Variants in CWC27 observed in about 807,000 individuals in gnomAD.
The protein encoded by CWC27 is CWC27 spliceosome associated cyclophilin.
Under a neutral mutation model 63.6 loss-of-function variants are expected in CWC27, and 47 were observed. The observed-to-expected ratio is 0.74, with a 90% confidence interval of 0.58 to 0.94. CWC27 has a LOEUF of 0.94. CWC27 is among the 40% of genes least tolerant of loss of function. CWC27 has a pLI of 0.00. For missense variants in CWC27, 495 were observed against 554.3 expected, an observed-to-expected ratio of 0.89 and a Z score of 1.07; for synonymous variants, 175 against 179.8, an observed-to-expected ratio of 0.97 and a Z score of 0.22.
At chr5:64,941,172 A>G (rs1216685046) in intron 11 of CWC27, among the ~76,000 whole-genome samples, 2 of 152,070 alleles carry the variant, frequency 1.3e-5, no homozygotes, top group Non-Finnish European at 2.9e-5. Context: ...TTTATATTAT[A>G]GTTTATTTCC....
chr5:64,775,126 G>A (rs1237554222), intron 2 of CWC27, among the ~76,000 whole-genome samples: 1 of 152,118 alleles, frequency 6.6e-6, no homozygotes, highest in East Asian at 1.9e-4. Context: ...CTCTCTAGTT[G>A]TTACTTCAGT....
chr5:64,853,758 T>G (rs1461988991), intron 10 of CWC27, among the ~76,000 whole-genome samples: 1 of 152,178 alleles, frequency 6.6e-6, no homozygotes, highest in African/African-American at 2.4e-5. Flanking sequence ...AGGAAGGATC[T>G]GCCCCCATGA....
chr5:64,934,139 C>T (rs1031950580), intron 11 of CWC27, among the ~76,000 whole-genome samples: 1 of 152,126 alleles, frequency 6.6e-6, no homozygotes, highest in Non-Finnish European at 1.5e-5. Flanking sequence ...TTCTGGGATA[C>T]ATGTGCAGAA....
intron 11 of CWC27, among the ~76,000 whole-genome samples, chr5:64,896,502 G>A (rs1747378963): frequency 6.6e-6 from 1 of 152,012 alleles, no homozygotes; most frequent in Non-Finnish European, 1.5e-5. Context: ...GCAGGTAAAG[G>A]GTGCTCGGAA....
intron 10 of CWC27, among the ~76,000 whole-genome samples, chr5:64,858,992 A>T (rs1746331682): frequency 6.6e-6 from 1 of 152,236 alleles, no homozygotes. Context: ...AAGCAACCCA[A>T]ATTTACTTTA....
At position 64,837,470 on chromosome 5, in the gene CWC27, G is replaced by C. The variant is rs372239805; in HGVS notation, c.938+33084G>C. Among the ~76,000 whole-genome samples, 21 of 150,678 alleles carry C rather than the reference G, an allele frequency of 1.4e-4. 1 individual carries two copies. The highest frequency in any genetic ancestry group is 5.1e-4 in the African/African-American group (21 of 41,170). Reference sequence around the variant, plus strand: ...TTTGGCTACTAAAGTGTCAAATTTGGTTCCAAAACTCATGAGAAGATTCAA... The same window carrying C: ...TTTGGCTACTAAAGTGTCAAATTTGCTTCCAAAACTCATGAGAAGATTCAA... On this transcript the variant is annotated intron_variant, in intron 10 of 13. Transcript: ENST00000381070.
chr5:64,990,047 C>A (rs984576781), intron 13 of CWC27, among the ~76,000 whole-genome samples: 18 of 151,780 alleles, frequency 1.2e-4, no homozygotes, highest in Non-Finnish European at 1.9e-4. Context: ...GCTAAATAAT[C>A]TCTAAGGAAG....
At chr5:64,913,457 A>G (rs992938131) in intron 11 of CWC27, among the ~76,000 whole-genome samples, 2 of 152,210 alleles carry the variant, frequency 1.3e-5, no homozygotes, top group African/African-American at 2.4e-5. Context: ...AATTATGTAC[A>G]TACAAAATCC....
intron 11 of CWC27, among the ~76,000 whole-genome samples, chr5:64,927,554 C>CCT (rs1748142761): frequency 6.6e-6 from 1 of 152,180 alleles, no homozygotes. Flanking sequence ...GGCAGGGTGC[C>CCT]TAGTTCTTCT....
intron 11 of CWC27, among the ~76,000 whole-genome samples, chr5:64,918,135 C>T (rs1266045575): frequency 1.3e-5 from 2 of 152,002 alleles, no homozygotes; most frequent in Non-Finnish European, 2.9e-5. Context: ...TATAGACACC[C>T]CCCAAAAATA....
intron 11 of CWC27, among the ~76,000 whole-genome samples, chr5:64,913,737 G>T (rs555826717): frequency 6.6e-6 from 1 of 152,090 alleles, no homozygotes; most frequent in East Asian, 1.9e-4. Flanking sequence ...CATGTTTATG[G>T]ATTGGGTAGA....
chr5:64,823,656 T>C (rs1285717976), intron 10 of CWC27, among the ~76,000 whole-genome samples: 1 of 152,172 alleles, frequency 6.6e-6, no homozygotes, highest in South Asian at 2.1e-4. Flanking sequence ...CATTAAAAAG[T>C]ACCAAATAGT....
At chr5:64,884,917 C>A (rs1466166126) in intron 10 of CWC27, among the ~76,000 whole-genome samples, 1 of 152,004 alleles carries the variant, frequency 6.6e-6, no homozygotes, top group Non-Finnish European at 1.5e-5. Flanking sequence ...ATGTATATGC[C>A]AAACTGTAGT....
intron 2 of CWC27, 152 bp downstream of exon 2, chr5:64,774,939 G>A: frequency 4.1e-6 from 2 of 483,040 alleles, no homozygotes; most frequent in South Asian, 7.3e-5. Context: ...GTGTCCGGAA[G>A]TAGAGATAAG....
At chr5:64,973,177 A>C (rs1253578688) in intron 12 of CWC27, among the ~76,000 whole-genome samples, 1 of 152,212 alleles carries the variant, frequency 6.6e-6, no homozygotes, top group Non-Finnish European at 1.5e-5. Context: ...GATGAGGCTG[A>C]AGAGGTAAGC....
chr5:64,799,511 C>T (rs112836953), intron 7 of CWC27, among the ~76,000 whole-genome samples: 4 of 150,750 alleles, frequency 2.7e-5, no homozygotes, highest in Non-Finnish European at 4.4e-5. Context: ...GCTTGAACCC[C>T]GGAAGCGGAG....
rs79444686 is a variant in CWC27 at position 64,852,775 on chromosome 5, C to CT, written c.939-32655dup. ...GGCGTGAGCCACTGCTCCCGGCCAC[C>CT]TTTTTTTTTTTTTAATTAAATTAAG... On this transcript the variant is annotated intron_variant, in intron 10 of 13. Coordinates refer to ENST00000381070, the MANE Select transcript of CWC27 (RefSeq NM_005869.4). 3.8e-3 allele frequency among the ~76,000 whole-genome samples: 547 copies of CT among 144,546 alleles called. 2 individuals carry two copies. The highest frequency in any genetic ancestry group is 0.015 in the East Asian group (77 of 5,008). 94.8% of individuals were successfully genotyped at this position (144,546 alleles called of 152,430 possible).
At chr5:64,800,108 A>C in intron 7 of CWC27, 140 bp from the exon 8 acceptor site, 1 of 483,094 alleles carries the variant, frequency 2.1e-6, no homozygotes, top group Non-Finnish European at 3.6e-6. Context: ...ATAAAACTTT[A>C]GTTTGTATTA....
intron 10 of CWC27, among the ~76,000 whole-genome samples, chr5:64,879,861 G>A (rs1746894010): frequency 6.6e-6 from 1 of 151,254 alleles, no homozygotes; most frequent in African/African-American, 2.4e-5. Flanking sequence ...ACTCACAAAT[G>A]CTTGGCATTT....
Sources: gnomAD v4.1 joint callset for allele counts (sites outside exome capture counted in the v4.1 genomes callset) on GRCh38, gnomAD v4.1.1 for gene constraint, MANE v1.5 for transcripts, NCBI Gene and HGNC (gene_info 2026-07-23, HGNC 2026-07-21) for gene names.